The following BMPR2 variants were observed in gnomAD, a reference collection of about 807,000 sequenced individuals.
BMPR2 encodes bone morphogenetic protein receptor type 2, also known as bone morphogenetic protein receptor type-2.
BMPR2 carries 29 observed loss-of-function variants against 100.8 expected under a neutral mutation model. The observed-to-expected ratio is 0.29, with a 90% confidence interval of 0.21 to 0.39. The LOEUF (loss-of-function observed/expected upper bound fraction) is 0.39. Among genes scored for constraint, BMPR2 ranks in the 10% least tolerant of loss-of-function variants. BMPR2 has a pLI of 1.00. For synonymous variants in BMPR2, 382 were observed against 442.3 expected, an observed-to-expected ratio of 0.86 and a Z score of 1.71; for missense variants, 1,011 against 1,274.5, an observed-to-expected ratio of 0.79 and a Z score of 3.15.
chr2:202,489,303 TTTG>T (rs1010888785), intron 3 of BMPR2, among the ~76,000 whole-genome samples: 3 of 152,192 alleles, frequency 2.0e-5, no homozygotes, highest in African/African-American at 7.2e-5. Flanking sequence ...ACGCCCGGCC[TTTG>T]TTGTTCTTTT....
intron 3 of BMPR2, among the ~76,000 whole-genome samples, chr2:202,477,154 T>C (rs1164476007): frequency 2.0e-5 from 3 of 152,184 alleles, no homozygotes; most frequent in African/African-American, 7.2e-5. Flanking sequence ...AAAATAATAG[T>C]ATCCAATTTA....
intron 3 of BMPR2, among the ~76,000 whole-genome samples, chr2:202,511,766 C>G (rs1687629631): frequency 6.6e-6 from 1 of 151,954 alleles, no homozygotes; most frequent in African/African-American, 2.4e-5. Context: ...CACCTGTAAT[C>G]CCAGCACTTT....
At chr2:202,473,873 G>A (rs1258185976) in intron 3 of BMPR2, among the ~76,000 whole-genome samples, 1 of 152,118 alleles carries the variant, frequency 6.6e-6, no homozygotes, top group African/African-American at 2.4e-5. Context: ...TTGGGAGGCC[G>A]AGGCAGGCGG....
At chr2:202,512,109 A>G (rs376337116) in intron 3 of BMPR2, among the ~76,000 whole-genome samples, 1 of 152,232 alleles carries the variant, frequency 6.6e-6, no homozygotes, top group African/African-American at 2.4e-5. Flanking sequence ...ATATCCTTCT[A>G]TAGAAATATA....
intron 1 of BMPR2, among the ~76,000 whole-genome samples, chr2:202,455,720 G>GT (rs1692083997): frequency 6.6e-6 from 1 of 151,998 alleles, no homozygotes; most frequent in Non-Finnish European, 1.5e-5. Context: ...ATTTTAAAGT[G>GT]TTTTTGGATT....
At chr2:202,390,622 G>A (rs951115552) in intron 1 of BMPR2, among the ~76,000 whole-genome samples, 3 of 152,036 alleles carry the variant, frequency 2.0e-5, no homozygotes, top group Non-Finnish European at 4.4e-5. Flanking sequence ...GTGAGCCACC[G>A]TGCTTGGCCG....
At chr2:202,535,872 T>C (rs868772254) in intron 9 of BMPR2, among the ~76,000 whole-genome samples, 2 of 152,192 alleles carry the variant, frequency 1.3e-5, no homozygotes, top group Non-Finnish European at 2.9e-5. Flanking sequence ...CACTCGCGGT[T>C]AGGGGCTGGA....
At chr2:202,455,464 A>C (rs1322574419) in intron 1 of BMPR2, among the ~76,000 whole-genome samples, 1 of 152,238 alleles carries the variant, frequency 6.6e-6, no homozygotes, top group East Asian at 1.9e-4. Context: ...CCATTTTCAC[A>C]GAAAATTATA....
At chr2:202,384,722 TA>T (rs1285809128) in intron 1 of BMPR2, among the ~76,000 whole-genome samples, 8 of 151,846 alleles carry the variant, frequency 5.3e-5, no homozygotes, top group African/African-American at 1.9e-4. Context: ...GCCTCCTGAG[TA>T]GCTGGGATTA....
intron 3 of BMPR2, among the ~76,000 whole-genome samples, chr2:202,501,794 C>T (rs1034502405): frequency 1.3e-5 from 2 of 152,220 alleles, no homozygotes; most frequent in African/African-American, 2.4e-5. Flanking sequence ...GCTTCAAATG[C>T]GCATATGCGT....
chr2:202,411,004 A>G (rs1190048711), intron 1 of BMPR2, among the ~76,000 whole-genome samples: 1 of 152,134 alleles, frequency 6.6e-6, no homozygotes, highest in African/African-American at 2.4e-5. Flanking sequence ...TAATAAATAG[A>G]AGGAGTGATG....
At chr2:202,419,252 C>T (rs1430851424) in intron 1 of BMPR2, among the ~76,000 whole-genome samples, 2 of 152,098 alleles carry the variant, frequency 1.3e-5, no homozygotes, top group Non-Finnish European at 1.5e-5. Context: ...TTTTATTCAG[C>T]GATTCACTTA....
At chr2:202,452,053 C>T (rs1321400059) in intron 1 of BMPR2, among the ~76,000 whole-genome samples, 1 of 152,062 alleles carries the variant, frequency 6.6e-6, no homozygotes, top group Non-Finnish European at 1.5e-5. Context: ...TGCGCCTGGC[C>T]AATTCGGTGA....
intron 1 of BMPR2, among the ~76,000 whole-genome samples, chr2:202,435,376 C>CATACATACATATATATATATAT (rs1553500538): frequency 9.7e-6 from 1 of 103,450 alleles, no homozygotes; most frequent in African/African-American, 4.2e-5. Context: ...AAAAAAAATA[C>CATACATACATATATATATATAT]ATATATATAT....
chr2:202,556,403 A>G lies in BMPR2; in HGVS notation c.2738A>G (p.Gln913Arg). Reference sequence around the variant, plus strand: ...AACAACAGCAATCCATGTTCAGAACAAGATGTTCTTGCACAGGGTGTTCCA... The same window carrying G: ...AACAACAGCAATCCATGTTCAGAACGAGATGTTCTTGCACAGGGTGTTCCA... ...NNNNSNPCSE[Q>R]DVLAQGVPST... Residue 913 changes from glutamine to arginine, a missense_variant, in exon 12 of 13, where the codon CAA becomes CGA. Transcript: ENST00000374580. 2 of 1,614,204 alleles carry G rather than the reference A, an allele frequency of 1.2e-6. No individual in the cohort carries two copies. Among genetic ancestry groups the G allele is most frequent in the Non-Finnish European group, 1.7e-6 (2 of 1,180,048 alleles).
At chr2:202,547,368 G>T (rs182236025) in intron 10 of BMPR2, among the ~76,000 whole-genome samples, 1 of 152,204 alleles carries the variant, frequency 6.6e-6, no homozygotes, top group African/African-American at 2.4e-5. Context: ...TTCTTAGTCT[G>T]TCTTGAATTC....
intron 3 of BMPR2, among the ~76,000 whole-genome samples, chr2:202,513,049 C>T (rs1290860659): frequency 1.3e-5 from 2 of 151,564 alleles, no homozygotes; most frequent in Admixed American, 6.6e-5. Flanking sequence ...ACTGCAGCCT[C>T]AAACTCCTGG....
intron 2 of BMPR2, 70 bp from the exon 3 acceptor site, chr2:202,467,449 T>C: frequency 7.7e-7 from 1 of 1,306,606 alleles, no homozygotes; most frequent in Non-Finnish European, 1.1e-6. Context: ...AATTACTGCT[T>C]AGTTTGTTGT....
At chr2:202,558,479 G>C (rs973445818) in intron 12 of BMPR2, among the ~76,000 whole-genome samples, 2 of 152,144 alleles carry the variant, frequency 1.3e-5, no homozygotes, top group Middle Eastern at 3.2e-3. Context: ...CTACAAAATG[G>C]GCTTGAAGGA....
Sources: gnomAD v4.1 joint callset for allele counts (sites outside exome capture counted in the v4.1 genomes callset) on GRCh38, gnomAD v4.1.1 for gene constraint, MANE v1.5 for transcripts, NCBI Gene and HGNC (gene_info 2026-07-23, HGNC 2026-07-21) for gene names.